The following GALNTL5 variants were observed in gnomAD, a reference collection of about 807,000 sequenced individuals.
GALNTL5 encodes the protein polypeptide N-acetylgalactosaminyltransferase like 5.
In GALNTL5, 44 loss-of-function variants were observed where a neutral mutation model predicts 51.0. The observed-to-expected ratio is 0.86, with a 90% CI of 0.68 to 1.11. The LOEUF is 1.11. Among genes scored for constraint, GALNTL5 ranks in the 50% least tolerant of loss-of-function variants. GALNTL5 has a pLI of 0.00. For missense variants in GALNTL5, 528 were observed against 531.8 expected (o/e 0.99, Z 0.07); for synonymous variants, 192 against 182.8 (o/e 1.05, Z -0.41).
intron 7 of GALNTL5, among the ~76,000 whole-genome samples, chr7:152,008,766 T>C (rs925632715): frequency 1.3e-5 from 2 of 152,212 alleles, no homozygotes; most frequent in African/African-American, 4.8e-5. Flanking sequence ...TTTGTTTTTT[T>C]CATTCTCATG....
intron 5 of GALNTL5, among the ~76,000 whole-genome samples, chr7:151,987,899 G>A (rs62480038): frequency 0.26 from 39,901 of 152,126 alleles, 5,287 homozygotes; most frequent in South Asian, 0.37. Flanking sequence ...CAATGGGACC[G>A]GGTGGCGCAT....
chr7:151,969,562 C>A (rs998375454), intron 2 of GALNTL5, among the ~76,000 whole-genome samples: 1 of 151,928 alleles, frequency 6.6e-6, no homozygotes, highest in Non-Finnish European at 1.5e-5. Flanking sequence ...GATCCCTCCC[C>A]GGTTCCTCAT....
intron 1 of GALNTL5, among the ~76,000 whole-genome samples, chr7:151,959,060 G>A (rs920337473): frequency 6.6e-6 from 1 of 152,150 alleles, no homozygotes; most frequent in African/African-American, 2.4e-5. Flanking sequence ...CACTCCGGTC[G>A]TGGACTCTGG....
intron 1 of GALNTL5, among the ~76,000 whole-genome samples, chr7:151,966,712 A>G (rs997478536): frequency 3.3e-5 from 5 of 152,308 alleles, no homozygotes; most frequent in Admixed American, 6.5e-5. Flanking sequence ...GTCATATCAT[A>G]TACATATCTT....
At chr7:151,975,072 T>A (rs949397199) in intron 3 of GALNTL5, among the ~76,000 whole-genome samples, 4 of 152,180 alleles carry the variant, frequency 2.6e-5, no homozygotes, top group Admixed American at 1.3e-4. Flanking sequence ...TTACTTTTTT[T>A]AAAAAATGTA....
intron 4 of GALNTL5, among the ~76,000 whole-genome samples, chr7:151,986,673 T>C (rs1025023331): frequency 6.6e-6 from 1 of 151,976 alleles, no homozygotes; most frequent in Non-Finnish European, 1.5e-5. Flanking sequence ...TTACAGTTGA[T>C]TTTGATAATG....
chr7:151,970,148 T>TGC (rs1554404470), intron 2 of GALNTL5, among the ~76,000 whole-genome samples: 1 of 94,026 alleles, frequency 1.1e-5, no homozygotes, highest in South Asian at 4.0e-4. Context: ...AGGGGGTAGT[T>TGC]GGGGGGGCCC....
At chr7:152,006,836 C>T (rs755803973) in intron 6 of GALNTL5, among the ~76,000 whole-genome samples, 7 of 152,070 alleles carry the variant, frequency 4.6e-5, no homozygotes, top group Non-Finnish European at 1.0e-4. Context: ...TGCAGTGGTG[C>T]GATCTCAGCT....
intron 5 of GALNTL5, among the ~76,000 whole-genome samples, chr7:151,992,548 T>A (rs2081440409): frequency 6.6e-6 from 1 of 152,108 alleles, no homozygotes; most frequent in Admixed American, 6.5e-5. Context: ...GCGTCCTCCC[T>A]GTGTGTCTGT....
chr7:151,971,140 A>AGAC, intron 3 of GALNTL5, 75 bp downstream of exon 3: 1 of 608,996 alleles, frequency 1.6e-6, no homozygotes, highest in East Asian at 3.6e-5. Context: ...GATAGATAGA[A>AGAC]AGAAAACAGT....
At chr7:151,976,239 T>C (rs181502709) in intron 3 of GALNTL5, among the ~76,000 whole-genome samples, 1 of 152,338 alleles carries the variant, frequency 6.6e-6, no homozygotes, top group East Asian at 1.9e-4. Flanking sequence ...TTTATATATT[T>C]AGGTTCTCTG....
intron 3 of GALNTL5, among the ~76,000 whole-genome samples, chr7:151,981,835 ACAGAATTTTG>A (rs1415204342): frequency 6.6e-6 from 1 of 150,820 alleles, no homozygotes; most frequent in African/African-American, 2.4e-5. Context: ...TTTAGTAAAG[ACAGAATTTTG>A]CCATGTTGTC....
chr7:151,998,934 T>C (rs930604327), intron 5 of GALNTL5, among the ~76,000 whole-genome samples: 1 of 152,204 alleles, frequency 6.6e-6, no homozygotes, highest in Admixed American at 6.5e-5. Context: ...ACTGATCATT[T>C]AAAAATGAAC....
chr7:151,975,148 A>G lies in GALNTL5; in HGVS notation c.368+4083A>G, dbSNP rs535523031. The stretch of plus-strand genomic sequence containing the variant: ...CTTAATTTTTTGGAAGAGTTTGAAA[A>G]GGATTGGTATTTATTCTTTAAATAA... On this transcript the variant is annotated intron_variant, in intron 3 of 8. Coordinates refer to ENST00000392800, the MANE Select transcript of GALNTL5 (RefSeq NM_145292.4). Among the ~76,000 whole-genome samples, 6 of 152,272 alleles carry G rather than the reference A, an allele frequency of 3.9e-5. No homozygotes were observed. In the South Asian group the frequency reaches 1.0e-3, roughly 26 times the overall value.
At chr7:152,000,471 C>T (rs1586843086) in intron 5 of GALNTL5, among the ~76,000 whole-genome samples, 1 of 152,182 alleles carries the variant, frequency 6.6e-6, no homozygotes, top group African/African-American at 2.4e-5. Flanking sequence ...CCAGAGAGTG[C>T]CCTTCAGGCA....
intron 3 of GALNTL5, among the ~76,000 whole-genome samples, chr7:151,979,574 CT>C (rs1299391549): frequency 6.6e-6 from 1 of 151,948 alleles, no homozygotes; most frequent in African/African-American, 2.4e-5. Flanking sequence ...ATTCTCCTGC[CT>C]CAGCCTCCCA....
chr7:152,013,974 T>C (rs1262577988), intron 7 of GALNTL5, among the ~76,000 whole-genome samples: 2 of 152,214 alleles, frequency 1.3e-5, no homozygotes, highest in Non-Finnish European at 2.9e-5. Context: ...AGATGAATAA[T>C]TGAATTCAGT....
intron 5 of GALNTL5, among the ~76,000 whole-genome samples, chr7:151,998,796 C>A (rs1213672053): frequency 2.7e-4 from 37 of 137,088 alleles, no homozygotes; most frequent in East Asian, 1.4e-3. Context: ...AAAAACAAAA[C>A]TACTCCGATA....
chr7:152,005,164 T>A (rs558329921), intron 6 of GALNTL5, among the ~76,000 whole-genome samples: 15 of 152,290 alleles, frequency 9.8e-5, no homozygotes, highest in Admixed American at 7.8e-4. Context: ...TGAAGATACA[T>A]TTTTCCCTTA....
Sources: allele counts gnomAD v4.1 joint callset (sites outside exome capture counted in the v4.1 genomes callset), GRCh38; gene constraint gnomAD v4.1.1; transcripts MANE v1.5; gene names NCBI Gene and HGNC (gene_info 2026-07-23, HGNC 2026-07-21).